Variants in ASB7 observed in about 807,000 individuals in gnomAD.
ASB7 encodes the protein ankyrin repeat and SOCS box protein 7.
Under a neutral mutation model 32.5 loss-of-function variants are expected in ASB7, and 4 were observed. The ratio of observed to expected loss-of-function variants is 0.12; its 90% CI spans 0.06 to 0.28. The LOEUF is 0.28. ASB7 is among the 10% of genes least tolerant of loss of function. ASB7 has a pLI of 1.00. For missense variants in ASB7, 181 were observed against 407.1 expected, an observed-to-expected ratio of 0.44 and a Z score of 4.78; for synonymous variants, 172 against 155.6, an observed-to-expected ratio of 1.11 and a Z score of -0.78.
chr15:100,648,203 G>A (rs1289031778), intron 5 of ASB7, 120 bp from the exon 6 acceptor site: 37 of 1,090,732 alleles, frequency 3.4e-5, no homozygotes, highest in Non-Finnish European at 4.6e-5. Flanking sequence ...GTATCTTTCC[G>A]GTCCTTTGCA....
intron 3 of ASB7, among the ~76,000 whole-genome samples, chr15:100,610,462 T>C (rs1427141269): frequency 6.7e-6 from 1 of 149,854 alleles, no homozygotes; most frequent in Admixed American, 6.7e-5. Flanking sequence ...GCCACTGCAC[T>C]CCAACCTGGG....
intron 5 of ASB7, among the ~76,000 whole-genome samples, chr15:100,630,785 T>C (rs1048455092): frequency 1.3e-5 from 2 of 152,218 alleles, no homozygotes; most frequent in Non-Finnish European, 2.9e-5. Flanking sequence ...CCATCCTCTC[T>C]TGTCAAGCTT....
At chr15:100,618,943 A>G (rs1474907548) in intron 4 of ASB7, among the ~76,000 whole-genome samples, 1 of 152,174 alleles carries the variant, frequency 6.6e-6, no homozygotes, top group East Asian at 1.9e-4. Context: ...ATTCTAAGCT[A>G]CGGAAGAGTA....
chr15:100,608,302 C>G (rs11857653), intron 2 of ASB7, among the ~76,000 whole-genome samples: 102,106 of 152,104 alleles, frequency 0.67, 34,877 homozygotes, highest in South Asian at 0.75. Context: ...GTTTCTCCTA[C>G]TAACATCTTA....
At chr15:100,626,010 A>G (rs2039833684) in intron 4 of ASB7, among the ~76,000 whole-genome samples, 1 of 152,194 alleles carries the variant, frequency 6.6e-6, no homozygotes, top group Admixed American at 6.5e-5. Context: ...AAAATTAATT[A>G]TGGGCTATTG....
intron 2 of ASB7, among the ~76,000 whole-genome samples, chr15:100,604,019 C>G (rs2039610999): frequency 6.6e-6 from 1 of 152,206 alleles, no homozygotes; most frequent in Non-Finnish European, 1.5e-5. Flanking sequence ...TACAATGTTT[C>G]TTACACCTCA....
At chr15:100,603,111 T>G (rs1326313653) in intron 1 of ASB7, 65 bp downstream of exon 1, 2 of 398,348 alleles carry the variant, frequency 5.0e-6, no homozygotes, top group Admixed American at 4.4e-5. Context: ...GAGGAAAATC[T>G]CTGCTTTTTC....
Position 100,629,643 on chromosome 15 carries a change from A to G in ASB7, c.418A>G (p.Lys140Glu). The change falls in exon 5 of 6, where the codon AAG becomes GAG. Residue 140 changes from lysine to glutamate, a missense_variant. Coordinates refer to ENST00000332783, the MANE Select transcript of ASB7 (RefSeq NM_198243.3). The surrounding 1 kb of genome is among the most constrained non-coding windows in gnomAD (Gnocchi z 6.8). Reference sequence around the variant, plus strand: ...ATTTGTCCGGCTCCTCCTGGAGTTCAAGGCTGAGGTTGACCCACTCAGTGA... The same window carrying G: ...ATTTGTCCGGCTCCTCCTGGAGTTCGAGGCTGAGGTTGACCCACTCAGTGA... ...DSFVRLLLEF[K>E]AEVDPLSDKG... The G allele has an allele frequency of 6.2e-7, 1 of 1,614,150 alleles. No homozygotes were observed. Among genetic ancestry groups the G allele is most frequent in the Non-Finnish European group, 8.5e-7 (1 of 1,180,028 alleles).
intron 4 of ASB7, among the ~76,000 whole-genome samples, chr15:100,617,867 TTACAGAG>T (rs2039757203): frequency 6.6e-6 from 1 of 152,192 alleles, no homozygotes; most frequent in Non-Finnish European, 1.5e-5. Flanking sequence ...TTCCTCAGTT[TTACAGAG>T]ACAAGACCAA....
At chr15:100,607,068 G>T (rs986450332) in intron 2 of ASB7, among the ~76,000 whole-genome samples, 2 of 151,450 alleles carry the variant, frequency 1.3e-5, no homozygotes, top group African/African-American at 2.4e-5. Flanking sequence ...CAGGAGAATC[G>T]CTTGAACCCT....
Position 100,648,311 on chromosome 15 carries a change from C to T in ASB7, c.818-12C>T. On this transcript the variant is annotated splice_polypyrimidine_tract_variant and intron_variant, in intron 5 of 5. Transcript: ENST00000332783. ...GTGGCTTTGTAACATTTTCTTTTTT[C>T]TGTCTTTTTAGGACAGCCCAGAAAC... 6.4e-7 allele frequency: 1 copy of T among 1,564,406 alleles called. No individual in the cohort carries two copies. Among genetic ancestry groups the T allele is most frequent in the Non-Finnish European group, 8.6e-7 (1 of 1,161,062 alleles).
At chr15:100,636,314 G>A (rs1056576248) in intron 5 of ASB7, among the ~76,000 whole-genome samples, 12 of 152,184 alleles carry the variant, frequency 7.9e-5, no homozygotes, top group Admixed American at 6.5e-4. Flanking sequence ...AAGAATGGGA[G>A]TGATGATTTC....
At chr15:100,641,822 G>A (rs2039963336) in intron 5 of ASB7, among the ~76,000 whole-genome samples, 1 of 152,204 alleles carries the variant, frequency 6.6e-6, no homozygotes, top group African/African-American at 2.4e-5. Flanking sequence ...GTATGTGCTT[G>A]GCACTATTGT....
chr15:100,637,214 G>A lies in ASB7; in HGVS notation c.817+7172G>A, dbSNP rs536591075. ...GAGCTGAGCCGGCAGCTTTTTCATG[G>A]GACACCATCTTTACTGGAAAGAGTA... On this transcript the variant is annotated intron_variant, in intron 5 of 5. Coordinates refer to ENST00000332783, the MANE Select transcript of ASB7 (RefSeq NM_198243.3). Among the ~76,000 whole-genome samples, 10 of 152,286 alleles carry A rather than the reference G, an allele frequency of 6.6e-5. No individual in the cohort carries two copies. The South Asian group carries it at 2.1e-3, about 32-fold the overall frequency.
intron 5 of ASB7, among the ~76,000 whole-genome samples, chr15:100,631,389 T>C (rs1269604057): frequency 6.6e-6 from 1 of 152,192 alleles, no homozygotes; most frequent in Non-Finnish European, 1.5e-5. Context: ...TCTGCCTGCC[T>C]TGGGAGAGGT....
chr15:100,619,769 G>A (rs1421564620), intron 4 of ASB7, among the ~76,000 whole-genome samples: 1 of 152,206 alleles, frequency 6.6e-6, no homozygotes, highest in Non-Finnish European at 1.5e-5. Flanking sequence ...ACCATAGTTT[G>A]GGGAGAGCGA....
chr15:100,649,309 T>A lies in ASB7; in HGVS notation c.*847T>A, dbSNP rs1295025515. ...CGTCATTTCACAGCCAGCTTTGACA[T>A]GCCCGTGAGGACAGGAGCCGCCGCT... On this transcript the variant is annotated 3_prime_UTR_variant, in exon 6 of 6. Transcript: ENST00000332783. 1 of 152,226 alleles carries A rather than the reference T, an allele frequency of 6.6e-6. No homozygotes were observed. The highest frequency in any genetic ancestry group is 1.5e-5 in the Non-Finnish European group (1 of 68,038). 9.4% of individuals were successfully genotyped at this position (152,226 alleles called of 1,614,324 possible).
chr15:100,635,599 C>A (rs891080213), intron 5 of ASB7, among the ~76,000 whole-genome samples: 1 of 152,160 alleles, frequency 6.6e-6, no homozygotes, highest in East Asian at 1.9e-4. Context: ...TAAGCAGCCT[C>A]GTTGGAGAGA....
chr15:100,637,019 A>G (rs2039928125), intron 5 of ASB7, among the ~76,000 whole-genome samples: 1 of 152,248 alleles, frequency 6.6e-6, no homozygotes, highest in African/African-American at 2.4e-5. Context: ...TCAGGAAAAG[A>G]CATTCCAATT....
Sources: allele counts gnomAD v4.1 joint callset (sites outside exome capture counted in the v4.1 genomes callset), GRCh38; gene constraint gnomAD v4.1.1; non-coding constraint Gnocchi (gnomAD v3.1); transcripts MANE v1.5; gene names NCBI Gene and HGNC (gene_info 2026-07-23, HGNC 2026-07-21).